Variants in PTP4A3 observed in about 807,000 individuals in gnomAD.
The protein encoded by PTP4A3 is protein tyrosine phosphatase 4A3.
PTP4A3 carries 9 observed loss-of-function variants against 15.2 expected under a neutral mutation model. The observed-to-expected ratio is 0.59, with a 90% confidence interval of 0.36 to 1.03. PTP4A3 has a LOEUF of 1.03. Ranked by LOEUF, PTP4A3 falls within the 50% of genes least tolerant of loss-of-function variation. The pLI, the probability that PTP4A3 is intolerant of heterozygous loss-of-function variation, is 0.02. For synonymous variants in PTP4A3, 95 were observed against 102.0 expected, an observed-to-expected ratio of 0.93 and a Z score of 0.41; for missense variants, 234 against 252.1, an observed-to-expected ratio of 0.93 and a Z score of 0.49.
chr8:141,426,743 G>C (rs1833592557), intron 3 of PTP4A3, 196 bp from the exon 4 acceptor site: 1 of 943,572 alleles, frequency 1.1e-6, no homozygotes, highest in Non-Finnish European at 1.3e-6. Context: ...GGAATGATGA[G>C]GAGTCTGAAG....
rs1833539551 is a variant in PTP4A3 at position 141,425,704 on chromosome 8, C to T, written c.198+564C>T. ...CCCGGCCCGGTGGACGACTGCCCCC[C>T]TGGTGCAGGCCTGCCCAGCTGCGCC... On this transcript the variant is annotated intron_variant, in intron 3 of 5. Transcript: ENST00000521578. This position sits in a 1 kb window ranked among gnomAD's most constrained non-coding sequence, Gnocchi z 4.2. Among the ~76,000 whole-genome samples, 1 of 152,178 alleles carries T rather than the reference C, an allele frequency of 6.6e-6. No homozygotes were observed. Among genetic ancestry groups the T allele is most frequent in the Non-Finnish European group, 1.5e-5 (1 of 68,004 alleles).
At chr8:141,422,623 AGAGGCAGGGGGT>A (rs1388603987) in intron 2 of PTP4A3, among the ~76,000 whole-genome samples, 2 of 151,596 alleles carry the variant, frequency 1.3e-5, no homozygotes, top group Non-Finnish European at 2.9e-5. Context: ...CTGTGTGGAT[AGAGGCAGGGGGT>A]GAGGCAGGGG....
At chr8:141,398,059 C>T (rs1832496455) in intron 1 of PTP4A3, among the ~76,000 whole-genome samples, 1 of 152,184 alleles carries the variant, frequency 6.6e-6, no homozygotes, top group Non-Finnish European at 1.5e-5. Context: ...GCCCTTGGCC[C>T]TGGAAGATGT....
intron 1 of PTP4A3, among the ~76,000 whole-genome samples, chr8:141,416,379 T>C (rs182098192): frequency 2.8e-4 from 42 of 152,262 alleles, no homozygotes; most frequent in African/African-American, 7.2e-4. Flanking sequence ...TGTGCTGTTA[T>C]GGTTTGTCAG....
At chr8:141,408,487 T>C (rs1054586339) in intron 1 of PTP4A3, among the ~76,000 whole-genome samples, 5 of 151,982 alleles carry the variant, frequency 3.3e-5, no homozygotes, top group African/African-American at 1.2e-4. Context: ...GTTGTGGTCA[T>C]GGGCGCCCGT....
chr8:141,423,756 G>A (rs1833439841), intron 2 of PTP4A3, among the ~76,000 whole-genome samples: 1 of 151,826 alleles, frequency 6.6e-6, no homozygotes, highest in East Asian at 1.9e-4. Context: ...AGGGTTCAGT[G>A]TGTGACCAGG....
At chr8:141,412,264 G>A (rs1348966176) in intron 1 of PTP4A3, among the ~76,000 whole-genome samples, 1 of 152,226 alleles carries the variant, frequency 6.6e-6, no homozygotes, top group Non-Finnish European at 1.5e-5. Flanking sequence ...CACCCTCAGG[G>A]ACCACAAGCT....
rs200942029 is a variant in PTP4A3 at position 141,418,782 on chromosome 8, CT to C, written c.-853-2603del. 3.5e-3 allele frequency among the ~76,000 whole-genome samples: 531 copies of C among 152,322 alleles called. 3 individuals are homozygous for C. Among genetic ancestry groups the C allele is most frequent in the African/African-American group, 0.011 (460 of 41,572 alleles). ...CATTTCGCAGATGGGAAGCCTGAGG[CT>C]TTGGCTTCAGGGAGTTCTCAGTGCC... On this transcript the variant is annotated intron_variant, in intron 1 of 5. Coordinates refer to ENST00000521578, the MANE Select transcript of PTP4A3 (RefSeq NM_032611.3).
chr8:141,424,780 T>G (rs1395044903), intron 2 of PTP4A3, among the ~76,000 whole-genome samples: 1 of 152,056 alleles, frequency 6.6e-6, no homozygotes, highest in African/African-American at 2.4e-5. Flanking sequence ...TAGTGGAGCC[T>G]GAAGTCCACT....
chr8:141,402,018 G>A (rs1406076803), intron 1 of PTP4A3, among the ~76,000 whole-genome samples: 1 of 152,182 alleles, frequency 6.6e-6, no homozygotes, highest in African/African-American at 2.4e-5. Context: ...CACCTCCCCT[G>A]ATATCACACA....
chr8:141,409,153 C>T (rs973781342), intron 1 of PTP4A3, among the ~76,000 whole-genome samples: 15 of 152,310 alleles, frequency 9.8e-5, no homozygotes, highest in South Asian at 2.1e-4. Context: ...GCTGACCCAC[C>T]GCTGCCTTTC....
chr8:141,407,364 G>T (rs1832756802), intron 1 of PTP4A3, among the ~76,000 whole-genome samples: 2 of 152,188 alleles, frequency 1.3e-5, no homozygotes, highest in Admixed American at 1.3e-4. Flanking sequence ...GATGGTTAAG[G>T]TGTAGCCCTC....
chr8:141,394,915 G>T (rs1392766862), intron 1 of PTP4A3, among the ~76,000 whole-genome samples: 17 of 152,256 alleles, frequency 1.1e-4, no homozygotes, highest in African/African-American at 3.4e-4. Context: ...CGCGAGTTGG[G>T]TGTGTGCGGT....
rs1461101468 is a variant in PTP4A3 at position 141,431,202 on chromosome 8, CCGAGGAG to C, written c.*167_*173del. The C allele has an allele frequency of 1.3e-5, 9 of 679,618 alleles. No homozygotes were observed. Among genetic ancestry groups the C allele is most frequent in the Middle Eastern group, 3.7e-4 (1 of 2,728 alleles). 42.1% of individuals were successfully genotyped at this position (679,618 alleles called of 1,614,324 possible). ...CCCCGACACCTCCGTGCACTTGTGT[CCGAGGAG>C]CGAGGAGCCCCTCGGGCCCTGGGTG... On this transcript the variant is annotated 3_prime_UTR_variant, in exon 6 of 6. Transcript: ENST00000521578.
intron 1 of PTP4A3, among the ~76,000 whole-genome samples, chr8:141,396,976 G>A (rs1451007250): frequency 1.3e-5 from 2 of 152,174 alleles, no homozygotes; most frequent in East Asian, 3.9e-4. Flanking sequence ...GGGTAGCCGG[G>A]CTGGCTGGGG....
intron 1 of PTP4A3, among the ~76,000 whole-genome samples, chr8:141,418,522 G>A (rs1442463006): frequency 1.3e-5 from 2 of 152,198 alleles, no homozygotes; most frequent in Non-Finnish European, 2.9e-5. Flanking sequence ...ACAGGGACAA[G>A]GATGGACTCT....
Position 141,422,150 on chromosome 8 carries a change from C to T in PTP4A3, c.-91C>T, listed in dbSNP as rs1351491851. On this transcript the variant is annotated 5_prime_UTR_variant, in exon 2 of 6. Transcript: ENST00000521578. ...ACAAGCACAGGGATCTCGTTCTCCT[C>T]ATTTTTTGGGGGTGTGTGGGGACTT... The T allele has an allele frequency of 1.1e-5, 14 of 1,241,114 alleles. No individual in the cohort carries two copies. The highest frequency in any genetic ancestry group is 4.5e-5 in the African/African-American group (3 of 67,092). 76.9% of individuals were successfully genotyped at this position (1,241,114 alleles called of 1,614,324 possible). A position where few individuals can be genotyped will look rare whatever the true frequency, so the allele number is the denominator to read the frequency against.
rs555488165 is a variant in PTP4A3, at chr8:141,393,137, C to T, written c.-854+1053C>T. On this transcript the variant is annotated intron_variant, in intron 1 of 5. Coordinates refer to ENST00000521578, the MANE Select transcript of PTP4A3 (RefSeq NM_032611.3). ...GCCGCCTGGCAGCCCTGTGCAGAGCCGTGCTTCACTGAGTTCCTGCAATCC... is the reference window on the plus strand; with the variant it reads ...GCCGCCTGGCAGCCCTGTGCAGAGCTGTGCTTCACTGAGTTCCTGCAATCC... 1.3e-3 allele frequency among the ~76,000 whole-genome samples: 197 copies of T among 152,280 alleles called. 7 individuals are homozygous for T. The South Asian group carries it at 0.038, about 30-fold the overall frequency.
intron 5 of PTP4A3, 86 bp downstream of exon 5, chr8:141,427,910 G>A (rs1395658005): frequency 7.7e-7 from 1 of 1,291,926 alleles, no homozygotes; most frequent in Non-Finnish European, 1.1e-6. Flanking sequence ...CATTGGCTGT[G>A]TGGTTCCGTC....
Sources: gnomAD v4.1 joint callset for allele counts (sites outside exome capture counted in the v4.1 genomes callset) on GRCh38, gnomAD v4.1.1 for gene constraint, Gnocchi (gnomAD v3.1) non-coding constraint, MANE v1.5 for transcripts, NCBI Gene and HGNC (gene_info 2026-07-23, HGNC 2026-07-21) for gene names.